Variants in OTOA observed in about 807,000 individuals in gnomAD.
OTOA encodes the protein cancer/testis antigen 108.
Under a neutral mutation model 110.8 loss-of-function variants are expected in OTOA, and 70 were observed. That is an observed-to-expected ratio of 0.63 (90% confidence interval 0.52 to 0.77). The LOEUF (loss-of-function observed/expected upper bound fraction) is 0.77, where lower values mean the gene tolerates loss of function less well. Among genes scored for constraint, OTOA ranks in the 30% least tolerant of loss-of-function variants. OTOA has a pLI of 0.00. For missense variants in OTOA, 917 were observed against 1,075.8 expected (o/e 0.85, Z 2.06); for synonymous variants, 373 against 431.5 (o/e 0.86, Z 1.68).
intron 5 of OTOA, among the ~76,000 whole-genome samples, chr16:21,681,041 A>G (rs1208440702): frequency 6.6e-6 from 1 of 152,166 alleles, no homozygotes; most frequent in African/African-American, 2.4e-5. Context: ...AAGTGATGGA[A>G]CTAGGATTCA....
At chr16:21,669,320 G>A (rs930789369) in intron 1 of OTOA, among the ~76,000 whole-genome samples, 1 of 151,982 alleles carries the variant, frequency 6.6e-6, no homozygotes, top group Non-Finnish European at 1.5e-5. Flanking sequence ...TCCAGCGTGC[G>A]TGACAGAGTG....
intron 1 of OTOA, among the ~76,000 whole-genome samples, chr16:21,668,031 A>C (rs1966844289): frequency 6.6e-6 from 1 of 152,148 alleles, no homozygotes; most frequent in African/African-American, 2.4e-5. Flanking sequence ...TTCATTATCA[A>C]ACTTAAAACT....
intron 13 of OTOA, among the ~76,000 whole-genome samples, chr16:21,710,529 T>A (rs1048876509): frequency 2.0e-5 from 3 of 151,158 alleles, no homozygotes; most frequent in Non-Finnish European, 3.0e-5. Context: ...GACACAAATA[T>A]TTAATCCATA....
intron 13 of OTOA, among the ~76,000 whole-genome samples, chr16:21,714,397 T>TTCTCTC: frequency 1.3e-5 from 1 of 78,880 alleles, no homozygotes; most frequent in South Asian, 4.2e-4. Flanking sequence ...CTCTCTTTCT[T>TTCTCTC]TCTCTTTCTT....
intron 28 of OTOA, among the ~76,000 whole-genome samples, chr16:21,759,547 G>A (rs980215857): frequency 6.6e-6 from 1 of 150,990 alleles, no homozygotes; most frequent in African/African-American, 2.4e-5. Flanking sequence ...GTGCAAGTAT[G>A]TCTGTAGGAT....
intron 28 of OTOA, among the ~76,000 whole-genome samples, chr16:21,759,613 G>A (rs1284745474): frequency 1.3e-5 from 2 of 152,032 alleles, no homozygotes; most frequent in Non-Finnish European, 2.9e-5. Context: ...AATTTTGATG[G>A]ATGTTGGTCG....
chr16:21,710,430 C>T (rs912176452), intron 13 of OTOA, among the ~76,000 whole-genome samples: 3 of 152,124 alleles, frequency 2.0e-5, no homozygotes, highest in African/African-American at 7.2e-5. Flanking sequence ...ATCTCATGAC[C>T]TCATCTAACC....
intron 15 of OTOA, among the ~76,000 whole-genome samples, chr16:21,718,251 C>T (rs1001044833): frequency 3.3e-5 from 5 of 152,164 alleles, no homozygotes; most frequent in African/African-American, 9.7e-5. Flanking sequence ...AACCAGGGCA[C>T]CCAGCCAATA....
chr16:21,707,393 C>T lies in OTOA; in HGVS notation c.1104+2101C>T, dbSNP rs555986951. Among the ~76,000 whole-genome samples, 6 of 152,134 alleles carry T rather than the reference C, an allele frequency of 3.9e-5. No individual in the cohort carries two copies. In the South Asian group the frequency reaches 8.3e-4, roughly 21 times the overall value. ...ATCACAGGGAGGGCCTGTTCAAATA[C>T]AGCTTGTGGCAGCGCTCCAGTTTTG... On this transcript the variant is annotated intron_variant, in intron 12 of 28. Coordinates refer to ENST00000646100, the MANE Select transcript of OTOA (RefSeq NM_144672.4).
chr16:21,755,663 T>TA, intron 27 of OTOA, among the ~76,000 whole-genome samples: 1 of 142,140 alleles, frequency 7.0e-6, no homozygotes, highest in Non-Finnish European at 1.5e-5. Context: ...CTTGGCTAAT[T>TA]AAAAAAACTT....
intron 9 of OTOA, among the ~76,000 whole-genome samples, chr16:21,695,554 C>A (rs944031799): frequency 1.3e-5 from 2 of 151,958 alleles, no homozygotes; most frequent in Non-Finnish European, 2.9e-5. Flanking sequence ...TCTAGAGGAT[C>A]GTAGGAGTCT....
intron 1 of OTOA, among the ~76,000 whole-genome samples, chr16:21,675,810 C>T (rs1368080136): frequency 1.3e-5 from 2 of 152,196 alleles, no homozygotes; most frequent in East Asian, 3.9e-4. Context: ...AATAAACATC[C>T]TTGTCCATTA....
intron 21 of OTOA, among the ~76,000 whole-genome samples, chr16:21,732,036 G>T (rs928039958): frequency 6.6e-6 from 1 of 151,874 alleles, no homozygotes; most frequent in African/African-American, 2.4e-5. Flanking sequence ...TGCAATCTCG[G>T]CTCACTGCAA....
At chr16:21,707,642 T>TTTCC (rs1898221048) in intron 12 of OTOA, among the ~76,000 whole-genome samples, 1 of 117,146 alleles carries the variant, frequency 8.5e-6, no homozygotes, top group Admixed American at 9.1e-5. Flanking sequence ...TCTTTCTTTC[T>TTTCC]TTCTTTCTTT....
intron 27 of OTOA, among the ~76,000 whole-genome samples, chr16:21,756,262 G>T (rs1419182883): frequency 6.6e-6 from 1 of 151,382 alleles, no homozygotes; most frequent in Admixed American, 6.6e-5. Context: ...GACATAGTCT[G>T]GCTGGCAGAA....
chr16:21,727,023 T>G, intron 19 of OTOA: 1 of 263,760 alleles, frequency 3.8e-6, no homozygotes, highest in Middle Eastern at 1.4e-3. Flanking sequence ...TTTTTTTTTT[T>G]TTTTTTTTTT....
chr16:21,691,752 A>G (rs1157086037), intron 9 of OTOA, 65 bp downstream of exon 9: 14 of 1,384,312 alleles, frequency 1.0e-5, no homozygotes, highest in Non-Finnish European at 1.4e-5. Context: ...GAGGTGTTTC[A>G]TCTCTGAAAA....
At chr16:21,719,090 G>C in intron 15 of OTOA, 43 bp from the exon 16 acceptor site, 2 of 1,560,160 alleles carry the variant, frequency 1.3e-6, no homozygotes, top group Non-Finnish European at 1.8e-6. Flanking sequence ...TTGGGCACAC[G>C]CTGAGTGTGC....
At chr16:21,678,685 T>C (rs1966868231) in intron 2 of OTOA, 80 bp downstream of exon 2, 24 of 1,341,036 alleles carry the variant, frequency 1.8e-5, no homozygotes, top group Non-Finnish European at 2.5e-5. Context: ...ATTAGGTACA[T>C]GATGCTGTAA....
Sources: gnomAD v4.1 joint callset for allele counts (sites outside exome capture counted in the v4.1 genomes callset) on GRCh38, gnomAD v4.1.1 for gene constraint, MANE v1.5 for transcripts, NCBI Gene and HGNC (gene_info 2026-07-23, HGNC 2026-07-21) for gene names.